The following ORC3 variants were observed in gnomAD, a reference collection of about 807,000 sequenced individuals.
The protein encoded by ORC3 is origin recognition complex subunit 3.
A neutral mutation model predicts 100.7 loss-of-function variants in ORC3; 78 were observed. That is an observed-to-expected ratio of 0.77 (90% CI 0.65 to 0.94). The LOEUF (loss-of-function observed/expected upper bound fraction) is 0.94, where lower values mean the gene tolerates loss of function less well. ORC3 is among the 40% of genes least tolerant of loss of function. ORC3 has a pLI of 0.00. For synonymous variants in ORC3, 295 were observed against 289.3 expected (o/e 1.02, Z -0.20); for missense variants, 789 against 823.9 (o/e 0.96, Z 0.52).
At chr6:87,640,466 C>A (rs770000967) in intron 13 of ORC3, among the ~76,000 whole-genome samples, 2 of 152,138 alleles carry the variant, frequency 1.3e-5, no homozygotes, top group Non-Finnish European at 2.9e-5. Flanking sequence ...TTCTGCCTTT[C>A]CTTGCTCAGT....
chr6:87,642,383 G>T (rs1266829065), intron 13 of ORC3, among the ~76,000 whole-genome samples: 1 of 152,106 alleles, frequency 6.6e-6, no homozygotes, highest in Non-Finnish European at 1.5e-5. Context: ...CTGAGGTCAG[G>T]AGTTCGAGAC....
intron 9 of ORC3, among the ~76,000 whole-genome samples, chr6:87,618,748 CTAAG>C (rs914696666): frequency 1.1e-4 from 16 of 151,368 alleles, no homozygotes; most frequent in African/African-American, 3.1e-4. Flanking sequence ...AACCTAGTGA[CTAAG>C]TAGGTCATAG....
intron 2 of ORC3, chr6:87,594,650 GC>G (rs1777296870): frequency 1.2e-6 from 1 of 843,672 alleles, no homozygotes; most frequent in African/African-American, 1.8e-5. Flanking sequence ...AGGATATGCT[GC>G]TATTCTTTAA....
chr6:87,647,197 G>A (rs4587138), intron 13 of ORC3, among the ~76,000 whole-genome samples: 10 of 152,006 alleles, frequency 6.6e-5, no homozygotes, highest in African/African-American at 2.2e-4. Flanking sequence ...CGTTAACTCC[G>A]CATTTCACTC....
Position 87,594,506 on chromosome 6 carries a change from T to C in ORC3, c.79+99T>C, listed in dbSNP as rs1227760002. The C allele has an allele frequency of 2.8e-6, 4 of 1,404,688 alleles. No individual in the cohort carries two copies. In the South Asian group the frequency reaches 5.2e-5, roughly 18 times the overall value. 87.0% of individuals were successfully genotyped at this position (1,404,688 alleles called of 1,614,324 possible). On this transcript the variant is annotated intron_variant, in intron 2 of 19. Transcript: ENST00000392844. ...AGTAATTCTCTTGTCTAACCTTGGCTTACTTGCCATGTTGATGTAGCATTT... is the reference window on the plus strand; with the variant it reads ...AGTAATTCTCTTGTCTAACCTTGGCCTACTTGCCATGTTGATGTAGCATTT...
rs1354995328 is a variant in ORC3, at chr6:87,663,138, T to C, written c.1827T>C (p.Tyr609=). The change falls in exon 17 of 20, where the codon TAT becomes TAC. Residue 609 remains tyrosine, a synonymous_variant. Transcript: ENST00000392844. ...CTGCACTCAACAATCCTTACTATTA[T>C]CTCAAGGTAAGATGAACATTTAGTT... ...LHTALNNPYY[Y]LKNEALKSEE... is the part of the protein sequence containing the mutation. 1 of 1,609,726 alleles carries C rather than the reference T, an allele frequency of 6.2e-7. No homozygotes were observed. The highest frequency in any genetic ancestry group is 8.5e-7 in the Non-Finnish European group (1 of 1,176,956).
In ORC3 at chr6:87,642,307, T is replaced by C. The variant is rs1178342720; in HGVS notation, c.1382+5821T>C. On this transcript the variant is annotated intron_variant, in intron 13 of 19. Coordinates refer to ENST00000392844, the MANE Select transcript of ORC3 (RefSeq NM_012381.4). Reference sequence around the variant, plus strand: ...ACCCTGTCTCAAAAAAATTAATAAATAGGCCGAGCATAGTGGCTGACGCCT... The same window carrying C: ...ACCCTGTCTCAAAAAAATTAATAAACAGGCCGAGCATAGTGGCTGACGCCT... 2.0e-5 allele frequency among the ~76,000 whole-genome samples: 3 copies of C among 151,282 alleles called. No individual in the cohort carries two copies. The East Asian group carries it at 5.9e-4, about 30-fold the overall frequency.
intron 13 of ORC3, among the ~76,000 whole-genome samples, chr6:87,642,293 A>G: frequency 6.6e-6 from 1 of 152,134 alleles, no homozygotes; most frequent in Non-Finnish European, 1.5e-5. Context: ...CCCTGTCTCA[A>G]AAAAATTAAT....
intron 11 of ORC3, 97 bp from the exon 12 acceptor site, chr6:87,634,748 A>G (rs769278328): frequency 2.8e-5 from 17 of 602,632 alleles, no homozygotes; most frequent in Non-Finnish European, 4.4e-5. Context: ...GAATCTTGTC[A>G]GTTTTCCAGA....
At chr6:87,591,531 G>A (rs1776956167) in intron 1 of ORC3, among the ~76,000 whole-genome samples, 2 of 152,168 alleles carry the variant, frequency 1.3e-5, no homozygotes, top group Non-Finnish European at 2.9e-5. Context: ...ATAATGTTCT[G>A]TAGGTTTTGA....
chr6:87,634,858 T>A lies in ORC3; in HGVS notation c.1199T>A (p.Leu400Ter). 6.5e-7 allele frequency: 1 copy of A among 1,533,158 alleles called. No individual in the cohort carries two copies. Among genetic ancestry groups the A allele is most frequent in the Non-Finnish European group, 9.0e-7 (1 of 1,107,036 alleles). The allele number at this position is 1,533,158 out of a possible 1,614,324, so 95.0% of individuals were successfully genotyped here. ...TGTGATTTTTAGGAGGAAACACAAT[T>A]ATTACTAGAAAACCTGCATGTTTAT... ...NERYLKEETQ[L>*]LLENLHVYHM... Residue 400 changes from leucine to a stop codon, truncating the protein, a stop_gained, in exon 12 of 20, where the codon TTA becomes TAA. Transcript: ENST00000392844. LOFTEE classifies it high-confidence loss of function.
chr6:87,666,778 C>T (rs998171373), intron 19 of ORC3, among the ~76,000 whole-genome samples: 6 of 151,892 alleles, frequency 4.0e-5, no homozygotes, highest in Non-Finnish European at 7.4e-5. Context: ...GAAGTGGGGG[C>T]GGGGAGCAAT....
chr6:87,614,833 A>C (rs1175905215), intron 8 of ORC3, among the ~76,000 whole-genome samples: 1 of 152,174 alleles, frequency 6.6e-6, no homozygotes, highest in African/African-American at 2.4e-5. Flanking sequence ...ATTTTGGTCA[A>C]AGACATTCAA....
intron 12 of ORC3, 90 bp from the exon 13 acceptor site, chr6:87,636,317 A>AAAG: frequency 4.1e-6 from 3 of 738,666 alleles, no homozygotes; most frequent in Non-Finnish European, 7.1e-6. Context: ...AATAACATTA[A>AAAG]TTTTTTTTGT....
At chr6:87,599,326 T>A (rs1206246014) in intron 2 of ORC3, among the ~76,000 whole-genome samples, 1 of 151,612 alleles carries the variant, frequency 6.6e-6, no homozygotes, top group Non-Finnish European at 1.5e-5. Context: ...TAAAGCTACC[T>A]TGTTGTTCTG....
the ORC3 span, among the ~76,000 whole-genome samples, chr6:87,676,421 G>C: frequency 3.1e-4 from 36 of 115,214 alleles, no homozygotes; most frequent in African/African-American, 1.3e-3. Flanking sequence ...AGCCAAGAAC[G>C]CGCCACTGCA....
chr6:87,616,193 T>C, intron 8 of ORC3, 121 bp from the exon 9 acceptor site: 1 of 442,288 alleles, frequency 2.3e-6, no homozygotes. Flanking sequence ...CTAGCTATTA[T>C]TGCAGCTTTC....
chr6:87,659,924 A>T (rs923846682), intron 16 of ORC3, among the ~76,000 whole-genome samples: 1 of 103,580 alleles, frequency 9.7e-6, no homozygotes, highest in Non-Finnish European at 1.8e-5. Flanking sequence ...TTGGCCAAAT[A>T]CTGGTCAAAA....
chr6:87,617,462 C>T (rs76053913), intron 9 of ORC3, among the ~76,000 whole-genome samples: 1,529 of 152,146 alleles, frequency 0.01, 24 homozygotes, highest in African/African-American at 0.035. Flanking sequence ...ATGCCAGGCA[C>T]GGTGGCTCAT....
Sources: allele counts gnomAD v4.1 joint callset (sites outside exome capture counted in the v4.1 genomes callset), GRCh38; gene constraint gnomAD v4.1.1; transcripts MANE v1.5; gene names NCBI Gene and HGNC (gene_info 2026-07-23, HGNC 2026-07-21).